PRKCZ: variants seen among roughly 807,000 people sequenced by gnomAD.
PRKCZ encodes protein kinase C zeta, also known as protein kinase C zeta type.
Under a neutral mutation model 79.5 loss-of-function variants are expected in PRKCZ, and 33 were observed. The ratio of observed to expected loss-of-function variants is 0.41; its 90% CI spans 0.31 to 0.55. PRKCZ has a LOEUF of 0.55. Among genes scored for constraint, PRKCZ ranks in the 20% least tolerant of loss-of-function variants. The pLI is 0.19. For missense variants in PRKCZ, 578 were observed against 813.5 expected (o/e 0.71, Z 3.52); for synonymous variants, 342 against 320.9 (o/e 1.07, Z -0.70).
chr1:2,135,434 G>A, intron 5 of PRKCZ, 87 bp downstream of exon 5: 1 of 1,284,674 alleles, frequency 7.8e-7, no homozygotes, highest in East Asian at 2.5e-5. Context: ...ACGTCCCGCT[G>A]AGCCCAGGCT....
At chr1:2,182,087 CTAG>C (rs1686720099) in intron 16 of PRKCZ, 1 of 308,614 alleles carries the variant, frequency 3.2e-6, no homozygotes, top group Admixed American at 4.6e-5. Context: ...TTGTGGCATC[CTAG>C]TAGATGCCAC....
rs1446887971 is a variant in PRKCZ, at chr1:2,118,346, T to TG, written c.335-16916_335-16915insG. ...TTATCATCATGAAATGTTTTTGTTT[T>TG]TTTTTTTTTGAGACAGAGTGTCGCT... On this transcript the variant is annotated intron_variant, in intron 4 of 17. Coordinates refer to ENST00000378567, the MANE Select transcript of PRKCZ (RefSeq NM_002744.6). 5.6e-4 allele frequency among the ~76,000 whole-genome samples: 84 copies of TG among 148,762 alleles called. 1 individual carries two copies. The highest frequency in any genetic ancestry group is 1.9e-3 in the African/African-American group (78 of 40,358).
rs2100368822 is a variant in PRKCZ, at chr1:2,173,799, A to G, written c.1286-98A>G. The G allele has an allele frequency of 4.1e-6, 6 of 1,478,204 alleles. No individual in the cohort carries two copies. In the Middle Eastern group the frequency reaches 9.1e-4, roughly 225 times the overall value. 91.6% of individuals were successfully genotyped at this position (1,478,204 alleles called of 1,614,324 possible). A position where few individuals can be genotyped will look rare whatever the true frequency, so the allele number is the denominator to read the frequency against. On this transcript the variant is annotated intron_variant, in intron 13 of 17. Coordinates refer to ENST00000378567, the MANE Select transcript of PRKCZ (RefSeq NM_002744.6). This position sits in a 1 kb window ranked among gnomAD's most constrained non-coding sequence, Gnocchi z 5.7. ...TGCCGCCTGCTCAAGCCTGGCTCAC[A>G]CTCGTGTCAACTGGGCATGAAAACC...
At chr1:2,155,206 T>C (rs262661) in intron 9 of PRKCZ, among the ~76,000 whole-genome samples, 36,130 of 151,252 alleles carry the variant, frequency 0.24, 4,885 homozygotes, top group Admixed American at 0.33. Flanking sequence ...ATGTTGATGA[T>C]GGCGGTGATG....
intron 1 of PRKCZ, among the ~76,000 whole-genome samples, chr1:2,052,937 A>C (rs575467772): frequency 6.6e-6 from 1 of 152,238 alleles, no homozygotes; most frequent in East Asian, 1.9e-4. Context: ...CTCTGAGCAC[A>C]CTTGAGATCC....
chr1:2,154,168 C>T (rs553886481), intron 9 of PRKCZ, among the ~76,000 whole-genome samples: 101 of 152,106 alleles, frequency 6.6e-4, no homozygotes, highest in Non-Finnish European at 1.1e-3. Flanking sequence ...GAGTCACCGC[C>T]GACCCACTAG....
intron 10 of PRKCZ, among the ~76,000 whole-genome samples, chr1:2,160,853 C>G (rs1385578667): frequency 6.6e-6 from 1 of 152,064 alleles, no homozygotes; most frequent in Non-Finnish European, 1.5e-5. Flanking sequence ...ACGCCCCGCC[C>G]CGCCGGGGGT....
intron 10 of PRKCZ, among the ~76,000 whole-genome samples, chr1:2,166,073 T>C (rs1683265215): frequency 6.6e-6 from 1 of 152,170 alleles, no homozygotes; most frequent in Non-Finnish European, 1.5e-5. Flanking sequence ...TTGTCTTTGG[T>C]TGTTGATGAA....
intron 4 of PRKCZ, among the ~76,000 whole-genome samples, chr1:2,119,297 C>T (rs577663716): frequency 3.8e-4 from 57 of 151,338 alleles, no homozygotes; most frequent in African/African-American, 1.2e-3. Flanking sequence ...TCACTGCAAC[C>T]TCCACCTCCT....
rs147860463 is a variant in PRKCZ, at chr1:2,114,855, A to G, written c.335-20407A>G. 2.6e-3 allele frequency among the ~76,000 whole-genome samples: 403 copies of G among 152,270 alleles called. 2 individuals carry two copies. Among genetic ancestry groups the G allele is most frequent in the African/African-American group, 9.2e-3 (383 of 41,574 alleles). On this transcript the variant is annotated intron_variant, in intron 4 of 17. Transcript: ENST00000378567. ...CGTTGGGTTTCAGCTTTTCTTATGGAAAGAATGTTACGGCCTGGGTGCCTC... is the reference window on the plus strand; with the variant it reads ...CGTTGGGTTTCAGCTTTTCTTATGGGAAGAATGTTACGGCCTGGGTGCCTC...
chr1:2,050,709 G>A lies in PRKCZ; in HGVS notation c.71+8G>A. Reference sequence around the variant, plus strand: ...CAAGGCGCATTACGGGGGGTGAGCGGCGGAGAGGGCGGGGAGCGGCGCGGG... The same window carrying A: ...CAAGGCGCATTACGGGGGGTGAGCGACGGAGAGGGCGGGGAGCGGCGCGGG... On this transcript the variant is annotated splice_region_variant and intron_variant, in intron 1 of 17. Transcript: ENST00000378567. 4 of 1,219,762 alleles carry A rather than the reference G, an allele frequency of 3.3e-6. No homozygotes were observed. Among genetic ancestry groups the A allele is most frequent in the Non-Finnish European group, 4.1e-6 (4 of 977,888 alleles). The allele number at this position is 1,219,762 out of a possible 1,614,324, so 75.6% of individuals were successfully genotyped here. A position where few individuals can be genotyped will look rare whatever the true frequency, so the allele number is the denominator to read the frequency against.
chr1:2,071,469 C>A (rs184297641), intron 4 of PRKCZ: 8 of 219,564 alleles, frequency 3.6e-5, no homozygotes, highest in Non-Finnish European at 5.9e-5. Flanking sequence ...AGCCTATCAA[C>A]GGATGCCTGT....
At chr1:2,164,077 T>C (rs1682852761) in intron 10 of PRKCZ, among the ~76,000 whole-genome samples, 1 of 152,354 alleles carries the variant, frequency 6.6e-6, no homozygotes, top group African/African-American at 2.4e-5. Context: ...TGCCCTGTCT[T>C]AGTGTGCTAC....
intron 4 of PRKCZ, among the ~76,000 whole-genome samples, chr1:2,060,637 C>T (rs1660590387): frequency 6.6e-6 from 1 of 152,234 alleles, no homozygotes; most frequent in Non-Finnish European, 1.5e-5. Flanking sequence ...AGGCCCTCAG[C>T]CAACCGGGGT....
chr1:2,103,337 C>T (rs1043622876), intron 4 of PRKCZ, among the ~76,000 whole-genome samples: 5 of 152,214 alleles, frequency 3.3e-5, no homozygotes, highest in African/African-American at 7.2e-5. Flanking sequence ...ACACAGCTGC[C>T]GCAGTAGTAA....
In PRKCZ at chr1:2,125,113, C is replaced by T. The variant is rs1017246339; in HGVS notation, c.335-10149C>T. On this transcript the variant is annotated intron_variant, in intron 4 of 17. Coordinates refer to ENST00000378567, the MANE Select transcript of PRKCZ (RefSeq NM_002744.6). This position sits in a 1 kb window ranked among gnomAD's most constrained non-coding sequence, Gnocchi z 4.2. ...TGGGTCTGTTTGAGGGTGGGGGACA[C>T]GGAGCTCAGCAGTGAGGAACTCGGA... 2.0e-5 allele frequency among the ~76,000 whole-genome samples: 3 copies of T among 152,036 alleles called. No individual in the cohort carries two copies. Among genetic ancestry groups the T allele is most frequent in the East Asian group, 1.9e-4 (1 of 5,184 alleles).
intron 1 of PRKCZ, among the ~76,000 whole-genome samples, chr1:2,054,908 T>A (rs1043016084): frequency 6.6e-6 from 1 of 151,898 alleles, no homozygotes; most frequent in African/African-American, 2.4e-5. Context: ...TAGGTCGCGC[T>A]TTTTTCTCTG....
At chr1:2,097,727 G>A (rs1271148892) in intron 4 of PRKCZ, among the ~76,000 whole-genome samples, 2 of 152,224 alleles carry the variant, frequency 1.3e-5, no homozygotes, top group Non-Finnish European at 2.9e-5. Context: ...CCTGGGGACA[G>A]TGGCCCAGGA....
At chr1:2,063,726 G>C (rs1358164374) in intron 4 of PRKCZ, among the ~76,000 whole-genome samples, 1 of 151,924 alleles carries the variant, frequency 6.6e-6, no homozygotes, top group Non-Finnish European at 1.5e-5. Context: ...AGCTCTTGTC[G>C]TTTTCTGTTT....
Sources: allele counts gnomAD v4.1 joint callset (sites outside exome capture counted in the v4.1 genomes callset), GRCh38; gene constraint gnomAD v4.1.1; non-coding constraint Gnocchi (gnomAD v3.1); transcripts MANE v1.5; gene names NCBI Gene and HGNC (gene_info 2026-07-23, HGNC 2026-07-21).